POU2F1: variants seen among roughly 807,000 people sequenced by gnomAD.
POU2F1 encodes POU domain, class 2, transcription factor 1.
In POU2F1, 16 loss-of-function variants were observed where a neutral mutation model predicts 84.9. That is an observed-to-expected ratio of 0.19 (90% CI 0.13 to 0.29). POU2F1 has a LOEUF of 0.29. POU2F1 is among the 10% of genes least tolerant of loss of function. The pLI is 1.00. For missense variants in POU2F1, 738 were observed against 942.6 expected (o/e 0.78, Z 2.84); for synonymous variants, 368 against 368.3 (o/e 1.00, Z 0.01).
At chr1:167,235,272 G>T (rs78152446) in intron 1 of POU2F1, among the ~76,000 whole-genome samples, 1,951 of 152,196 alleles carry the variant, frequency 0.013, 39 homozygotes, top group African/African-American at 0.042. Flanking sequence ...GCTTCTTCAT[G>T]CTCTGGCCAA....
intron 2 of POU2F1, among the ~76,000 whole-genome samples, chr1:167,340,987 T>C (rs1311940219): frequency 6.6e-6 from 1 of 152,166 alleles, no homozygotes; most frequent in Non-Finnish European, 1.5e-5. Flanking sequence ...TCTTACAGGC[T>C]GGGTAGGGTT....
At chr1:167,339,759 T>A (rs1657710302) in intron 2 of POU2F1, among the ~76,000 whole-genome samples, 1 of 152,214 alleles carries the variant, frequency 6.6e-6, no homozygotes, top group Non-Finnish European at 1.5e-5. Flanking sequence ...CTTCTGAAAG[T>A]CATTGTCACA....
chr1:167,229,584 C>T (rs1321051184), intron 1 of POU2F1, among the ~76,000 whole-genome samples: 2 of 152,088 alleles, frequency 1.3e-5, no homozygotes, highest in Non-Finnish European at 2.9e-5. Flanking sequence ...TTCAACAATA[C>T]GATGGTGATA....
chr1:167,288,611 C>T (rs1169049125), intron 1 of POU2F1, among the ~76,000 whole-genome samples: 1 of 152,080 alleles, frequency 6.6e-6, no homozygotes, highest in Non-Finnish European at 1.5e-5. Flanking sequence ...TGTTTGTGCC[C>T]AGGAGTTTGA....
chr1:167,396,475 A>G (rs747985362), intron 10 of POU2F1, 48 bp downstream of exon 10: 5 of 1,571,186 alleles, frequency 3.2e-6, no homozygotes, highest in South Asian at 2.2e-5. Flanking sequence ...GGAATTTTAC[A>G]TGGGGATTGT....
rs899917957 is a variant in POU2F1 at position 167,221,069 on chromosome 1, G to A, written c.61+111G>A. ...AGTACTCAGGATTATTATAATTAAC[G>A]GCGGGGAGATGGGGGGCCGGGGAGC... On this transcript the variant is annotated intron_variant, in intron 1 of 15. Transcript: ENST00000367866. 7 of 1,038,854 alleles carry A rather than the reference G, an allele frequency of 6.7e-6. No homozygotes were observed. In the South Asian group the frequency reaches 1.0e-4, roughly 15 times the overall value. The allele number at this position is 1,038,854 out of a possible 1,614,324, so 64.4% of individuals were successfully genotyped here. A position where few individuals can be genotyped will look rare whatever the true frequency, so the allele number is the denominator to read the frequency against.
intron 1 of POU2F1, among the ~76,000 whole-genome samples, chr1:167,275,077 G>T (rs1652634856): frequency 7.2e-6 from 1 of 139,680 alleles, no homozygotes. Flanking sequence ...ACTCCAGGTT[G>T]GAGTGCACGA....
intron 8 of POU2F1, among the ~76,000 whole-genome samples, chr1:167,384,701 A>G (rs1380089547): frequency 1.3e-5 from 2 of 151,968 alleles, no homozygotes; most frequent in African/African-American, 4.8e-5. Context: ...TTAACCTGGT[A>G]AAGAGCATGT....
At chr1:167,327,603 C>G (rs1656792946) in intron 1 of POU2F1, among the ~76,000 whole-genome samples, 1 of 152,176 alleles carries the variant, frequency 6.6e-6, no homozygotes, top group Non-Finnish European at 1.5e-5. Flanking sequence ...CAGAACTCTC[C>G]TCAAATCTAG....
chr1:167,394,029 A>AT (rs1648624357), intron 9 of POU2F1, among the ~76,000 whole-genome samples: 1 of 140,074 alleles, frequency 7.1e-6, no homozygotes, highest in South Asian at 2.3e-4. Context: ...TATTTTATTT[A>AT]TTTTTTTGAG....
rs778806881 is a variant in POU2F1 at position 167,374,279 on chromosome 1, C to T, written c.574C>T (p.Pro192Ser). Residue 192 changes from proline (P) to serine (S), a missense_variant, in exon 6 of 16, where the codon CCC becomes TCC. Physicochemically the swap from Pro to Ser is moderately conservative, Grantham distance 74 (BLOSUM62 -1). Transcript: ENST00000367866. ...TPMTQIPLSQ[P>S]IQIAQDLQQL... ...CATGACGCAGATCCCCCTGTCTCAG[C>T]CCATACAGATCGCACAGGTGAGTGA... is the stretch of plus-strand genomic sequence containing the variant. The T allele has an allele frequency of 1.9e-6, 3 of 1,605,190 alleles. No individual in the cohort carries two copies. Among genetic ancestry groups the T allele is most frequent in the Non-Finnish European group, 2.6e-6 (3 of 1,175,854 alleles).
chr1:167,318,443 C>T (rs1656072359), intron 1 of POU2F1, among the ~76,000 whole-genome samples: 1 of 152,152 alleles, frequency 6.6e-6, no homozygotes, highest in Non-Finnish European at 1.5e-5. Flanking sequence ...ATAATGATGC[C>T]ATAGGAATCA....
intron 1 of POU2F1, among the ~76,000 whole-genome samples, chr1:167,296,953 A>T (rs957959746): frequency 1.3e-5 from 2 of 151,082 alleles, no homozygotes; most frequent in African/African-American, 5.0e-5. Flanking sequence ...GGGAAGACTG[A>T]TTTTTTTAAA....
At chr1:167,304,454 A>T (rs1434490493) in intron 1 of POU2F1, among the ~76,000 whole-genome samples, 7 of 152,192 alleles carry the variant, frequency 4.6e-5, no homozygotes, top group Non-Finnish European at 1.0e-4. Context: ...GCACGTTACT[A>T]AACTGTTTAG....
At chr1:167,390,970 C>T (rs1046507902) in intron 9 of POU2F1, among the ~76,000 whole-genome samples, 8 of 152,188 alleles carry the variant, frequency 5.3e-5, no homozygotes, top group South Asian at 2.1e-4. Flanking sequence ...AAATTAATTT[C>T]CTGGAATTTG....
chr1:167,359,351 T>A (rs897586124), intron 2 of POU2F1, among the ~76,000 whole-genome samples: 2 of 152,164 alleles, frequency 1.3e-5, no homozygotes, highest in African/African-American at 4.8e-5. Context: ...GCCTTCTCCT[T>A]CCCTTCCCCC....
chr1:167,246,020 TAAGC>T (rs572106100), intron 1 of POU2F1, among the ~76,000 whole-genome samples: 2 of 152,208 alleles, frequency 1.3e-5, no homozygotes, highest in Non-Finnish European at 2.9e-5. Context: ...AATCTAAAAA[TAAGC>T]AAGGTTATTG....
chr1:167,296,020 A>G (rs193291505), intron 1 of POU2F1, among the ~76,000 whole-genome samples: 2 of 146,046 alleles, frequency 1.4e-5, no homozygotes, highest in African/African-American at 2.8e-5. Context: ...CATTACAAGT[A>G]GAAAACTTTT....
intron 3 of POU2F1, among the ~76,000 whole-genome samples, chr1:167,368,386 G>A (rs1030622134): frequency 2.5e-4 from 38 of 151,836 alleles, no homozygotes; most frequent in African/African-American, 9.2e-4. Flanking sequence ...CCATTATTGT[G>A]ATATTAAGTT....
Sources: allele counts gnomAD v4.1 joint callset (sites outside exome capture counted in the v4.1 genomes callset), GRCh38; gene constraint gnomAD v4.1.1; transcripts MANE v1.5; gene names NCBI Gene and HGNC (gene_info 2026-07-23, HGNC 2026-07-21).